LUC7L2: variants seen among roughly 807,000 people sequenced by gnomAD.
LUC7L2 encodes putative RNA-binding protein Luc7-like 2.
In LUC7L2, 25 loss-of-function variants were observed where a neutral mutation model predicts 52.8. The observed-to-expected ratio is 0.47, with a 90% CI of 0.34 to 0.66. The LOEUF is 0.66. Ranked by LOEUF, LUC7L2 falls within the 30% of genes least tolerant of loss-of-function variation. The probability of loss-of-function intolerance (pLI) is 0.01; values close to 1 mark genes in which losing one functional copy is unlikely to be tolerated. For missense variants in LUC7L2, 328 were observed against 497.8 expected (o/e 0.66, Z 3.25); for synonymous variants, 144 against 160.9 (o/e 0.89, Z 0.80).
At chr7:139,419,147 A>AAG (rs1457038086) in intron 9 of LUC7L2, among the ~76,000 whole-genome samples, 4 of 151,512 alleles carry the variant, frequency 2.6e-5, no homozygotes, top group Admixed American at 6.6e-5. Flanking sequence ...AAAAACAAAA[A>AAG]GTCTCCTATG....
chr7:139,422,643 A>AT lies in LUC7L2; in HGVS notation c.*309dup, dbSNP rs1176657913. ...AACAAATTGTGTTACTTGCCTTGGG[A>AT]TTTTTTGAACGTTTGTAAAATGCTG... On this transcript the variant is annotated 3_prime_UTR_variant, in exon 10 of 10. Coordinates refer to ENST00000354926, the MANE Select transcript of LUC7L2 (RefSeq NM_016019.5). 7.9e-6 allele frequency: 4 copies of AT among 506,472 alleles called. No individual in the cohort carries two copies. The highest frequency in any genetic ancestry group is 2.0e-5 in the African/African-American group (1 of 50,182). The allele number at this position is 506,472 out of a possible 1,614,324, so 31.4% of individuals were successfully genotyped here.
intron 4 of LUC7L2, among the ~76,000 whole-genome samples, chr7:139,404,227 C>G (rs747268152): frequency 2.6e-5 from 4 of 152,038 alleles, no homozygotes; most frequent in Non-Finnish European, 5.9e-5. Context: ...CTAAAACCTT[C>G]GGCCGGGCGT....
At chr7:139,345,382 T>A in intron 1 of LUC7L2, 1 of 1,409,370 alleles carries the variant, frequency 7.1e-7, no homozygotes, top group Non-Finnish European at 9.5e-7. Context: ...TATACATACA[T>A]GTCTGTATTT....
chr7:139,408,550 G>A (rs1466774538), intron 6 of LUC7L2, among the ~76,000 whole-genome samples: 1 of 152,162 alleles, frequency 6.6e-6, no homozygotes, highest in East Asian at 1.9e-4. Flanking sequence ...ATGTCATTAA[G>A]AAATCATGAA....
intron 1 of LUC7L2, among the ~76,000 whole-genome samples, chr7:139,366,414 C>T (rs755127503): frequency 1.3e-5 from 2 of 152,138 alleles, no homozygotes; most frequent in Non-Finnish European, 2.9e-5. Flanking sequence ...CTATAATATA[C>T]CTGGCTGTTC....
chr7:139,359,711 GC>G (rs1417765098), upstream of LUC7L2: 2 of 398,598 alleles, frequency 5.0e-6, no homozygotes, highest in Admixed American at 4.4e-5. Context: ...GATCCGGCTT[GC>G]ACAGTCAGTT....
chr7:139,421,678 G>A (rs555945558), intron 9 of LUC7L2, among the ~76,000 whole-genome samples: 122 of 152,294 alleles, frequency 8.0e-4, no homozygotes, highest in Admixed American at 7.8e-3. Context: ...AAATCTGGCC[G>A]GTAGCCTGTA....
upstream of LUC7L2, among the ~76,000 whole-genome samples, chr7:139,358,712 TCTCG>T (rs1206921851): frequency 6.6e-6 from 1 of 152,206 alleles, no homozygotes; most frequent in African/African-American, 2.4e-5. Context: ...TTTTTAGAAG[TCTCG>T]CTCTGTCGCG....
chr7:139,404,214 A>C (rs2131287769), intron 4 of LUC7L2, among the ~76,000 whole-genome samples: 1 of 152,330 alleles, frequency 6.6e-6, no homozygotes, highest in East Asian at 1.9e-4. Flanking sequence ...AACTCATACC[A>C]AACTAAAACC....
upstream of LUC7L2, among the ~76,000 whole-genome samples, chr7:139,356,272 G>T (rs1799599960): frequency 7.5e-6 from 1 of 133,164 alleles, no homozygotes; most frequent in Non-Finnish European, 1.5e-5. Context: ...GCGAGATCTC[G>T]CCACTGCACT....
rs775518648 is a variant in LUC7L2 at position 139,360,234 on chromosome 7, C to G, written c.-28C>G. 10 of 1,541,374 alleles carry G rather than the reference C, an allele frequency of 6.5e-6. No individual in the cohort carries two copies. The East Asian group carries it at 2.2e-4, about 34-fold the overall frequency. ...AAAGGGCCCGGTCTGCGCCCCACCCCCGCCCGTCCGCCCGCTACGCCGCCG... is the reference window on the plus strand; with the variant it reads ...AAAGGGCCCGGTCTGCGCCCCACCCGCGCCCGTCCGCCCGCTACGCCGCCG... On this transcript the variant is annotated 5_prime_UTR_variant, in exon 1 of 10. Coordinates refer to ENST00000354926, the MANE Select transcript of LUC7L2 (RefSeq NM_016019.5).
chr7:139,345,885 C>G, intron 1 of LUC7L2: 1 of 666,536 alleles, frequency 1.5e-6, no homozygotes, highest in Non-Finnish European at 2.3e-6. Flanking sequence ...GAACTTTTTG[C>G]ACTAGACTGA....
chr7:139,350,894 TC>T (rs1414147411), intron 1 of LUC7L2, among the ~76,000 whole-genome samples: 1 of 152,096 alleles, frequency 6.6e-6, no homozygotes, highest in African/African-American at 2.4e-5. Context: ...CAGGCTGGTC[TC>T]CGACTACTGA....
intron 1 of LUC7L2, among the ~76,000 whole-genome samples, chr7:139,360,671 T>G (rs574358237): frequency 2.6e-5 from 4 of 152,298 alleles, no homozygotes; most frequent in African/African-American, 9.6e-5. Flanking sequence ...TGCGGAAAGC[T>G]AAGGCCTCCA....
At position 139,417,598 on chromosome 7, in the gene LUC7L2, G is replaced by A. The variant is rs555638846; in HGVS notation, c.870G>A (p.Arg290=). 4.4e-5 allele frequency: 71 copies of A among 1,614,164 alleles called. No individual in the cohort carries two copies. In the South Asian group the frequency reaches 7.2e-4, roughly 16 times the overall value. ...GCTCCATGTCACGTGAACGCAAGAG[G>A]AGAACTCGATCCAAATCTCGGGAGA... The part of the protein sequence containing the change: ...RSRSMSRERK[R]RTRSKSREKR... Residue 290 remains arginine (R), a synonymous_variant, in exon 9 of 10, where the codon AGG becomes AGA. Transcript: ENST00000354926.
At chr7:139,377,718 G>A (rs1312087742) in intron 2 of LUC7L2, among the ~76,000 whole-genome samples, 2 of 151,832 alleles carry the variant, frequency 1.3e-5, no homozygotes, top group East Asian at 1.9e-4. Context: ...TAGTAGAGAC[G>A]GGGTTTCACC....
rs755352551 is a variant in LUC7L2 at position 139,406,187 on chromosome 7, G to C, written c.510+400G>C. Among the ~76,000 whole-genome samples, 69 of 152,190 alleles carry C rather than the reference G, an allele frequency of 4.5e-4. 1 individual carries two copies. Among genetic ancestry groups the C allele is most frequent in the Admixed American group, 1.2e-3 (19 of 15,278 alleles). ...CTGCCTCAGCCTCCCAAGTAGCTGG[G>C]ATTACAGGCCCATGCCACCACACCT... On this transcript the variant is annotated intron_variant, in intron 5 of 9. Transcript: ENST00000354926.
intron 9 of LUC7L2, among the ~76,000 whole-genome samples, chr7:139,420,884 C>T (rs1009904233): frequency 2.0e-5 from 3 of 151,998 alleles, no homozygotes; most frequent in East Asian, 1.9e-4. Context: ...CTGCAGCCTC[C>T]GCCTCCCAGG....
chr7:139,372,028 GA>G (rs557428268), intron 1 of LUC7L2, among the ~76,000 whole-genome samples: 178 of 152,258 alleles, frequency 1.2e-3, no homozygotes, highest in African/African-American at 4.1e-3. Flanking sequence ...GGAATTAATA[GA>G]AAAGTTGATG....
Sources: allele counts gnomAD v4.1 joint callset (sites outside exome capture counted in the v4.1 genomes callset), GRCh38; gene constraint gnomAD v4.1.1; transcripts MANE v1.5; gene names NCBI Gene and HGNC (gene_info 2026-07-23, HGNC 2026-07-21).